SMPX: variants seen among roughly 807,000 people sequenced by gnomAD.
The protein encoded by SMPX is small muscular protein.
Under a neutral mutation model 6.3 loss-of-function variants are expected in SMPX, and 2 were observed. The observed-to-expected ratio is 0.32, with a 90% CI of 0.13 to 0.99. The LOEUF is 0.99. SMPX is among the 50% of genes least tolerant of loss of function. SMPX has a pLI of 0.49. For missense variants in SMPX, 60 were observed against 66.8 expected, an observed-to-expected ratio of 0.90 and a Z score of 0.36; for synonymous variants, 32 against 24.7, an observed-to-expected ratio of 1.30 and a Z score of -0.88.
chrX:21,721,729 G>A (rs1357261318), intron 4 of SMPX, among the ~76,000 whole-genome samples: 1 of 112,282 alleles, frequency 8.9e-6, no homozygotes, highest in Non-Finnish European at 1.9e-5. Context: ...TGTATCCAGC[G>A]TTTTGCTGCT....
intron 4 of SMPX, among the ~76,000 whole-genome samples, chrX:21,715,312 G>GCA (rs58286238): frequency 0.016 from 1,649 of 104,307 alleles, 47 homozygotes; most frequent in African/African-American, 0.061. Context: ...GTGCGCGCAC[G>GCA]CGCGCGCGCT....
At chrX:21,748,709 T>C (rs191986555) in intron 2 of SMPX, among the ~76,000 whole-genome samples, 3 of 112,408 alleles carry the variant, frequency 2.7e-5, no homozygotes, top group African/African-American at 9.7e-5. Context: ...TAGTGGTTTA[T>C]GTAAGAAACA....
intron 4 of SMPX, among the ~76,000 whole-genome samples, chrX:21,734,321 G>A (rs1386419485): frequency 9.0e-6 from 1 of 111,724 alleles, no homozygotes; most frequent in African/African-American, 3.3e-5. Flanking sequence ...CGGTTCTGCA[G>A]GTTCCCCAGA....
Position 21,751,446 on chromosome X carries a change from G to A in SMPX, c.45+2800C>T, listed in dbSNP as rs764068723. Among the ~76,000 whole-genome samples the A allele has an allele frequency of 1.4e-4, 16 of 112,155 alleles. No homozygotes were observed. The South Asian group carries it at 4.1e-3, about 29-fold the overall frequency. On this transcript the variant is annotated intron_variant, in intron 2 of 4. Transcript: ENST00000379494. ...CAGGCACTGAGCTGAGTATTGTCAC[G>A]CATTAAATTCATTTAACCTTCATAG... is the stretch of plus-strand genomic sequence containing the variant.
intron 2 of SMPX, among the ~76,000 whole-genome samples, chrX:21,745,712 T>A (rs1311703321): frequency 9.0e-6 from 1 of 111,692 alleles, no homozygotes; most frequent in Non-Finnish European, 1.9e-5. Context: ...GTTAAAAGTT[T>A]AGTTAAATTG....
intron 3 of SMPX, among the ~76,000 whole-genome samples, chrX:21,741,597 C>T (rs1183874463): frequency 1.8e-5 from 2 of 111,142 alleles, no homozygotes. Flanking sequence ...AGGCCAGAGA[C>T]TGAGTCATTA....
At chrX:21,741,020 T>C (rs1184602840) in intron 3 of SMPX, among the ~76,000 whole-genome samples, 1 of 112,279 alleles carries the variant, frequency 8.9e-6, no homozygotes, top group Non-Finnish European at 1.9e-5. Flanking sequence ...GCCTCAGTGT[T>C]GGGCACATGC....
intron 4 of SMPX, among the ~76,000 whole-genome samples, chrX:21,736,651 C>A (rs1291031582): frequency 9.0e-6 from 1 of 111,716 alleles, no homozygotes; most frequent in East Asian, 2.8e-4. Context: ...GGGTGAGTGA[C>A]CAAATGAATG....
chrX:21,725,851 CATAT>C, intron 4 of SMPX, among the ~76,000 whole-genome samples: 1 of 112,031 alleles, frequency 8.9e-6, no homozygotes, highest in African/African-American at 3.2e-5. Flanking sequence ...GAGCTTTCTT[CATAT>C]TCGCTGGGGA....
intron 4 of SMPX, among the ~76,000 whole-genome samples, chrX:21,712,845 G>C (rs1292185678): frequency 8.9e-6 from 1 of 112,576 alleles, no homozygotes; most frequent in Non-Finnish European, 1.9e-5. Context: ...TCAAGGCATA[G>C]AGACAATGGT....
chrX:21,737,300 A>G (rs1569307579), intron 4 of SMPX, among the ~76,000 whole-genome samples: 1 of 111,628 alleles, frequency 9.0e-6, no homozygotes, highest in Non-Finnish European at 1.9e-5. Flanking sequence ...TCATCCTTCC[A>G]CAACTAAGAA....
chrX:21,720,473 C>T lies in SMPX; in HGVS notation c.*15-14079G>A, dbSNP rs191229637. 6.2e-5 allele frequency among the ~76,000 whole-genome samples: 7 copies of T among 112,725 alleles called. No homozygotes were observed. The South Asian group carries it at 1.1e-3, about 18-fold the overall frequency. On this transcript the variant is annotated intron_variant, in intron 4 of 4. Transcript: ENST00000379494. ...TAAGCCATGCTAAATTCCTGATCCA[C>T]GGAAACTGTGAGACAATATTTATTG...
At position 21,749,988 on chromosome X, in the gene SMPX, C is replaced by T. The variant is rs190013992; in HGVS notation, c.45+4258G>A. On this transcript the variant is annotated intron_variant, in intron 2 of 4. Coordinates refer to ENST00000379494, the MANE Select transcript of SMPX (RefSeq NM_014332.3). ...ATAATACTCAGCTTACTTTCATTAA[C>T]GGTGGAGAGAAAGGATCAGTGACAA... Among the ~76,000 whole-genome samples, 215 of 111,730 alleles carry T rather than the reference C, an allele frequency of 1.9e-3. 1 individual carries two copies. Among genetic ancestry groups the T allele is most frequent in the African/African-American group, 6.5e-3 (201 of 30,724 alleles).
At chrX:21,733,526 C>T (rs2092807189) in intron 4 of SMPX, 2 of 246,706 alleles carry the variant, frequency 8.1e-6, no homozygotes, top group Non-Finnish European at 1.5e-5. Context: ...CAATGTCCAA[C>T]ACAGACAGAA....
chrX:21,738,176 G>A (rs916385478), intron 3 of SMPX, among the ~76,000 whole-genome samples: 3 of 112,158 alleles, frequency 2.7e-5, no homozygotes, highest in African/African-American at 9.7e-5. Flanking sequence ...GGCAGAGGAA[G>A]CCCAGCTCTC....
Position 21,706,094 on chromosome X carries a change from G to T in SMPX, c.*315C>A, listed in dbSNP as rs2147368396. On this transcript the variant is annotated 3_prime_UTR_variant, in exon 5 of 5. Coordinates refer to ENST00000379494, the MANE Select transcript of SMPX (RefSeq NM_014332.3). Reference sequence around the variant, plus strand: ...ACCAAAATACTGTAGGAAGTAGCTTGGGAAACTTTTCATCAAAATCGTTAG... The same window carrying T: ...ACCAAAATACTGTAGGAAGTAGCTTTGGAAACTTTTCATCAAAATCGTTAG... The T allele has an allele frequency of 1.9e-6, 1 of 512,866 alleles. No individual in the cohort carries two copies. 42.3% of individuals were successfully genotyped at this position (512,866 alleles called of 1,213,427 possible).
chrX:21,711,557 G>T (rs1394414715), intron 4 of SMPX, among the ~76,000 whole-genome samples: 2 of 111,904 alleles, frequency 1.8e-5, no homozygotes, highest in African/African-American at 6.5e-5. Context: ...CTGGTGTGGG[G>T]ATGATACACC....
intron 4 of SMPX, 126 bp downstream of exon 4, chrX:21,737,423 G>T: frequency 1.6e-6 from 1 of 630,145 alleles, no homozygotes; most frequent in Non-Finnish European, 2.5e-6. Context: ...CAGAAATACT[G>T]ACTTAAATTG....
chrX:21,742,446 G>T (rs767368782), intron 3 of SMPX, among the ~76,000 whole-genome samples: 2 of 112,346 alleles, frequency 1.8e-5, no homozygotes, highest in African/African-American at 6.5e-5. Context: ...CTATTTTGCA[G>T]ACACAGACTC....
Sources: gnomAD v4.1 joint callset for allele counts (sites outside exome capture counted in the v4.1 genomes callset) on GRCh38, gnomAD v4.1.1 for gene constraint, MANE v1.5 for transcripts, NCBI Gene and HGNC (gene_info 2026-07-23, HGNC 2026-07-21) for gene names.